Variants in SGCZ observed in about 807,000 individuals in gnomAD.
SGCZ encodes sarcoglycan zeta.
A neutral mutation model predicts 41.3 loss-of-function variants in SGCZ; 40 were observed. The observed-to-expected ratio is 0.97, with a 90% CI of 0.75 to 1.26. The LOEUF (loss-of-function observed/expected upper bound fraction) is 1.26, where lower values mean the gene tolerates loss of function less well. Among genes scored for constraint, SGCZ ranks in the 50% most tolerant of loss-of-function variants. SGCZ has a pLI of 0.00. For missense variants in SGCZ, 552 were observed against 369.8 expected (o/e 1.49, Z -4.04); for synonymous variants, 206 against 137.5 (o/e 1.50, Z -3.49).
intron 5 of SGCZ, among the ~76,000 whole-genome samples, chr8:14,112,355 G>A (rs1802401933): frequency 6.6e-6 from 1 of 151,202 alleles, no homozygotes; most frequent in South Asian, 2.1e-4. Flanking sequence ...AACTACAAGA[G>A]GAATCCAGAG....
At chr8:14,649,274 G>A (rs1178114717) in intron 1 of SGCZ, among the ~76,000 whole-genome samples, 1 of 151,990 alleles carries the variant, frequency 6.6e-6, no homozygotes, top group African/African-American at 2.4e-5. Flanking sequence ...GTAGAAATAC[G>A]CTCACTGTGT....
At chr8:14,844,222 A>G (rs1422011813) in intron 1 of SGCZ, among the ~76,000 whole-genome samples, 1 of 152,092 alleles carries the variant, frequency 6.6e-6, no homozygotes. Flanking sequence ...TTCCACTGTA[A>G]GCATATAAGT....
intron 2 of SGCZ, among the ~76,000 whole-genome samples, chr8:14,449,889 C>A (rs6530777): frequency 0.055 from 8,345 of 152,016 alleles, 763 homozygotes; most frequent in African/African-American, 0.19. Flanking sequence ...TCTTCACCAT[C>A]GTAAACAAAG....
At chr8:14,655,098 T>C (rs1807522674) in intron 1 of SGCZ, among the ~76,000 whole-genome samples, 1 of 152,134 alleles carries the variant, frequency 6.6e-6, no homozygotes, top group South Asian at 2.1e-4. Flanking sequence ...TTGTACATTA[T>C]GAGTAAAGAA....
At chr8:15,101,709 T>C (rs1164655964) in intron 1 of SGCZ, among the ~76,000 whole-genome samples, 3 of 152,150 alleles carry the variant, frequency 2.0e-5, no homozygotes, top group East Asian at 1.9e-4. Context: ...GGCAGGCAGA[T>C]ACTTGAAGTC....
intron 1 of SGCZ, among the ~76,000 whole-genome samples, chr8:14,695,263 T>C (rs1808922436): frequency 6.6e-6 from 1 of 152,156 alleles, no homozygotes; most frequent in Non-Finnish European, 1.5e-5. Flanking sequence ...TGAAAAGCTC[T>C]TTTTTCATAG....
chr8:14,575,352 G>C (rs560549410), intron 1 of SGCZ, among the ~76,000 whole-genome samples: 2 of 152,174 alleles, frequency 1.3e-5, no homozygotes, highest in Non-Finnish European at 2.9e-5. Flanking sequence ...GGTGAAACCA[G>C]AATCCTTAAA....
At chr8:14,703,130 A>G (rs1190047143) in intron 1 of SGCZ, among the ~76,000 whole-genome samples, 1 of 151,970 alleles carries the variant, frequency 6.6e-6, no homozygotes, top group Non-Finnish European at 1.5e-5. Flanking sequence ...GATACATCAC[A>G]TGATGTTATC....
At chr8:14,743,821 T>G (rs1200568888) in intron 1 of SGCZ, among the ~76,000 whole-genome samples, 4 of 152,102 alleles carry the variant, frequency 2.6e-5, no homozygotes, top group African/African-American at 9.7e-5. Context: ...ATCATGCTCA[T>G]GTACTAAAAA....
intron 1 of SGCZ, among the ~76,000 whole-genome samples, chr8:15,035,336 T>C (rs533212013): frequency 6.6e-6 from 1 of 152,102 alleles, no homozygotes; most frequent in Non-Finnish European, 1.5e-5. Context: ...AAAGCAAAAG[T>C]CTACAGTTGA....
intron 2 of SGCZ, among the ~76,000 whole-genome samples, chr8:14,459,376 C>G (rs191689337): frequency 5.3e-5 from 8 of 151,616 alleles, no homozygotes; most frequent in Non-Finnish European, 1.0e-4. Flanking sequence ...ATGTAACAAA[C>G]CTGCACATTG....
rs189338216 is a variant in SGCZ, at chr8:15,214,964, C to A, written c.39+22621G>T. ...AACTAGTGGAGGATACTATGTATAA[C>A]ACACAATGTTAAGGTTGATATTCTT... On this transcript the variant is annotated intron_variant, in intron 1 of 7. Coordinates refer to ENST00000382080, the MANE Select transcript of SGCZ (RefSeq NM_139167.4). Among the ~76,000 whole-genome samples, 801 of 152,256 alleles carry A rather than the reference C, an allele frequency of 5.3e-3. 6 individuals carry two copies. Among genetic ancestry groups the A allele is most frequent in the African/African-American group, 0.018 (750 of 41,546 alleles).
chr8:14,692,612 T>A (rs1316503554), intron 1 of SGCZ, among the ~76,000 whole-genome samples: 1 of 152,148 alleles, frequency 6.6e-6, no homozygotes, highest in Non-Finnish European at 1.5e-5. Flanking sequence ...AGCAACTGCT[T>A]TGTGGAGAAA....
intron 2 of SGCZ, among the ~76,000 whole-genome samples, chr8:14,384,782 C>A (rs1375833142): frequency 1.3e-5 from 2 of 152,142 alleles, no homozygotes; most frequent in African/African-American, 2.4e-5. Flanking sequence ...AACTCCTGGT[C>A]TCAAGTGATC....
At chr8:14,334,520 C>A (rs1336668703) in intron 2 of SGCZ, among the ~76,000 whole-genome samples, 1 of 152,064 alleles carries the variant, frequency 6.6e-6, no homozygotes, top group Admixed American at 6.6e-5. Flanking sequence ...TATGTAATCC[C>A]AATATAGCTT....
intron 1 of SGCZ, among the ~76,000 whole-genome samples, chr8:14,581,441 G>GT (rs920383896): frequency 2.0e-5 from 3 of 150,398 alleles, no homozygotes; most frequent in Non-Finnish European, 3.0e-5. Context: ...TTGTTTGTTT[G>GT]TTTTTTTGTT....
At position 14,998,120 on chromosome 8, in the gene SGCZ, A is replaced by G. The variant is rs180961475; in HGVS notation, c.39+239465T>C. ...GTACTGCGTCTTTTTCAAATGTATA[A>G]TAGAAAAATAGTGTAGGTAGCACGA... On this transcript the variant is annotated intron_variant, in intron 1 of 7. Coordinates refer to ENST00000382080, the MANE Select transcript of SGCZ (RefSeq NM_139167.4). Among the ~76,000 whole-genome samples the G allele has an allele frequency of 3.2e-4, 49 of 152,332 alleles. 1 individual carries two copies. The East Asian group carries it at 8.9e-3, about 28-fold the overall frequency.
At chr8:14,550,570 G>A (rs1006985593) in intron 2 of SGCZ, among the ~76,000 whole-genome samples, 1 of 151,886 alleles carries the variant, frequency 6.6e-6, no homozygotes, top group Non-Finnish European at 1.5e-5. Flanking sequence ...CTAAATGCAG[G>A]ATCCGCTGGG....
chr8:14,209,999 C>A (rs904196588), intron 4 of SGCZ, among the ~76,000 whole-genome samples: 2 of 62,356 alleles, frequency 3.2e-5, no homozygotes, highest in Non-Finnish European at 5.2e-5. Flanking sequence ...AACTGTAAAG[C>A]CTTCAGATTC....
Sources: allele counts gnomAD v4.1 joint callset (sites outside exome capture counted in the v4.1 genomes callset), GRCh38; gene constraint gnomAD v4.1.1; transcripts MANE v1.5; gene names NCBI Gene and HGNC (gene_info 2026-07-23, HGNC 2026-07-21).